Variants in NRIP3 observed in about 807,000 individuals in gnomAD.
NRIP3 encodes the protein nuclear receptor interacting protein 3, also known as nuclear receptor-interacting protein 3.
In NRIP3, 31 loss-of-function variants were observed where a neutral mutation model predicts 29.0. That is an observed-to-expected ratio of 1.07 (90% CI 0.80 to 1.44). The LOEUF (loss-of-function observed/expected upper bound fraction) is 1.44. NRIP3 is among the 40% of genes most tolerant of loss of function. The probability of loss-of-function intolerance (pLI) is 0.00; values close to 1 mark genes in which losing one functional copy is unlikely to be tolerated. For missense variants in NRIP3, 314 were observed against 297.9 expected, an observed-to-expected ratio of 1.05 and a Z score of -0.40; for synonymous variants, 131 against 118.3, an observed-to-expected ratio of 1.11 and a Z score of -0.70.
At chr11:8,991,249 C>A (rs4910290) in intron 1 of NRIP3, among the ~76,000 whole-genome samples, 4 of 151,988 alleles carry the variant, frequency 2.6e-5, no homozygotes, top group African/African-American at 9.7e-5. Flanking sequence ...TGCATTGAGC[C>A]GAGATCGCGC....
intron 1 of NRIP3, among the ~76,000 whole-genome samples, chr11:8,991,372 A>T (rs1189733017): frequency 6.6e-6 from 1 of 152,242 alleles, no homozygotes; most frequent in African/African-American, 2.4e-5. Context: ...AAAAGTACTC[A>T]TAATATAGTT....
At position 9,003,465 on chromosome 11, in the gene NRIP3, A is replaced by G. The variant is rs7131552; in HGVS notation, c.174+297T>C. Among the ~76,000 whole-genome samples the G allele has an allele frequency of 5.2e-3, 795 of 152,328 alleles. 12 individuals carry two copies. Among genetic ancestry groups the G allele is most frequent in the African/African-American group, 0.019 (774 of 41,572 alleles). ...AAAATTCGGTATTAAGAATAAGGAA[A>G]AAGAAAGAAGACCCGAGGGCAAGAG... On this transcript the variant is annotated intron_variant, in intron 1 of 6. Transcript: ENST00000309166.
At chr11:8,986,103 G>A (rs556274030) in intron 3 of NRIP3, among the ~76,000 whole-genome samples, 3,560 of 152,268 alleles carry the variant, frequency 0.023, 140 homozygotes, top group African/African-American at 0.082. Context: ...GTGAAGAGAG[G>A]AGAACTGATA....
At chr11:8,985,650 G>T (rs1854508740) in intron 4 of NRIP3, 61 bp downstream of exon 4, 8 of 1,565,578 alleles carry the variant, frequency 5.1e-6, no homozygotes, top group East Asian at 2.3e-5. Context: ...ATGAGGTTTT[G>T]TTGGGGGTAG....
At chr11:8,984,251 AT>A (rs1239093121) in intron 4 of NRIP3, 127 bp from the exon 5 acceptor site, 756 of 354,612 alleles carry the variant, frequency 2.1e-3, no homozygotes, top group Middle Eastern at 2.7e-3. Context: ...AGCATGTGTT[AT>A]TTTTTTTTTA....
intron 3 of NRIP3, among the ~76,000 whole-genome samples, chr11:8,986,949 C>T (rs528456602): frequency 2.6e-5 from 4 of 152,172 alleles, no homozygotes; most frequent in Admixed American, 6.5e-5. Context: ...GCCCAGGAGG[C>T]GGAGGTTGCA....
At chr11:8,985,917 A>G (rs1854514945) in intron 3 of NRIP3, 67 bp from the exon 4 acceptor site, 13 of 1,541,664 alleles carry the variant, frequency 8.4e-6, no homozygotes, top group Non-Finnish European at 1.2e-5. Context: ...TGCAATGCCT[A>G]CCTTCTGACC....
rs117758964 is a variant in NRIP3, at chr11:8,985,837, C to T, written c.436G>A (p.Val146Ile). The T allele has an allele frequency of 7.7e-4, 1,237 of 1,614,140 alleles. 1 individual carries two copies. Among genetic ancestry groups the T allele is most frequent in the Non-Finnish European group, 9.2e-4 (1,085 of 1,180,022 alleles). ...TCTCCTTCATGCTTGTGGGATTTGACATGCTCCTTGAGTCTGTACCAAAGA... is the reference window on the plus strand; with the variant it reads ...TCTCCTTCATGCTTGTGGGATTTGATATGCTCCTTGAGTCTGTACCAAAGA... ...CVDRLGLKEH[V>I]KSHKHEGEKL... Residue 146 changes from valine to isoleucine, a missense_variant, in exon 4 of 7, where the codon GTC becomes ATC. By Grantham distance (29) the Val-to-Ile change is conservative. Coordinates refer to ENST00000309166, the MANE Select transcript of NRIP3 (RefSeq NM_020645.3).
chr11:9,004,083 C>T (rs1854869457), upstream of NRIP3: 2 of 697,614 alleles, frequency 2.9e-6, no homozygotes, highest in Non-Finnish European at 2.1e-6. Flanking sequence ...GGGGGCGGGG[C>T]CGGCACAGAG....
intron 1 of NRIP3, among the ~76,000 whole-genome samples, chr11:9,003,123 C>T (rs1023956358): frequency 1.3e-5 from 2 of 152,166 alleles, no homozygotes; most frequent in African/African-American, 4.8e-5. Context: ...AGCAGCCTGG[C>T]TTCCTCCCTC....
upstream of NRIP3, chr11:9,004,053 G>C (rs1331885024): frequency 1.5e-5 from 16 of 1,060,130 alleles, no homozygotes; most frequent in African/African-American, 2.5e-4. Context: ...ACGTCGCGGG[G>C]AGCAGCCAGT....
At chr11:8,999,745 T>G (rs1378055192) in intron 1 of NRIP3, among the ~76,000 whole-genome samples, 1 of 152,124 alleles carries the variant, frequency 6.6e-6, no homozygotes, top group Non-Finnish European at 1.5e-5. Context: ...GCACTTGCTG[T>G]TCCTTCTGCC....
chr11:8,993,311 G>A (rs1589962655), intron 1 of NRIP3, among the ~76,000 whole-genome samples: 1 of 152,020 alleles, frequency 6.6e-6, no homozygotes, highest in South Asian at 2.1e-4. Flanking sequence ...TAAACACCAA[G>A]GAAATTATTA....
At position 9,003,999 on chromosome 11, in the gene NRIP3, A is replaced by C. The variant is rs1854866951; in HGVS notation, c.-64T>G. On this transcript the variant is annotated 5_prime_UTR_variant, in exon 1 of 7. Transcript: ENST00000309166. ...GGCAGCCTCAGCCTCGAGCTCCTCC[A>C]GCGCCGCAAGGGCCCCGAGCCGCGC... 7.2e-7 allele frequency: 1 copy of C among 1,380,124 alleles called. No homozygotes were observed. Among genetic ancestry groups the C allele is most frequent in the Admixed American group, 3.6e-5 (1 of 27,600 alleles). 85.5% of individuals were successfully genotyped at this position (1,380,124 alleles called of 1,614,324 possible).
At chr11:9,003,085 T>A (rs1182867890) in intron 1 of NRIP3, among the ~76,000 whole-genome samples, 1 of 152,134 alleles carries the variant, frequency 6.6e-6, no homozygotes, top group Non-Finnish European at 1.5e-5. Flanking sequence ...CAGCTCCAGA[T>A]GCACACATTA....
intron 3 of NRIP3, among the ~76,000 whole-genome samples, chr11:8,987,030 A>G (rs1854531328): frequency 6.6e-6 from 1 of 152,152 alleles, no homozygotes; most frequent in Non-Finnish European, 1.5e-5. Flanking sequence ...AAAACAAACA[A>G]AAGAAACTAC....
At chr11:8,986,000 T>C in intron 3 of NRIP3, 150 bp from the exon 4 acceptor site, 1 of 886,028 alleles carries the variant, frequency 1.1e-6, no homozygotes, top group South Asian at 1.7e-5. Context: ...CATATGTTGT[T>C]CCAGCACTTT....
chr11:8,987,678 G>C, intron 2 of NRIP3, 48 bp from the exon 3 acceptor site: 1 of 1,429,360 alleles, frequency 7.0e-7, no homozygotes, highest in Non-Finnish European at 9.9e-7. Flanking sequence ...GAAGCGAAAG[G>C]GAAAGGAGAT....
chr11:8,986,633 G>T (rs1168613074), intron 3 of NRIP3, among the ~76,000 whole-genome samples: 1 of 152,156 alleles, frequency 6.6e-6, no homozygotes, highest in Non-Finnish European at 1.5e-5. Context: ...AATTCCTCTG[G>T]AATCATGGCA....
Sources: gnomAD v4.1 joint callset for allele counts (sites outside exome capture counted in the v4.1 genomes callset) on GRCh38, gnomAD v4.1.1 for gene constraint, MANE v1.5 for transcripts, NCBI Gene and HGNC (gene_info 2026-07-23, HGNC 2026-07-21) for gene names.